Variants in HTR1F observed in about 807,000 individuals in gnomAD.
HTR1F encodes the protein 5-hydroxytryptamine (serotonin) receptor 1F, G protein-coupled.
In HTR1F, 17 loss-of-function variants were observed where a neutral mutation model predicts 24.0. The observed-to-expected ratio is 0.71, with a 90% CI of 0.48 to 1.06. The LOEUF (loss-of-function observed/expected upper bound fraction) is 1.06. HTR1F is among the 50% of genes least tolerant of loss of function. HTR1F has a pLI of 0.00. For synonymous variants in HTR1F, 186 were observed against 156.8 expected (o/e 1.19, Z -1.39); for missense variants, 391 against 427.8 (o/e 0.91, Z 0.76).
chr3:87,894,670 G>T (rs1827532), intron 2 of HTR1F, among the ~76,000 whole-genome samples: 13,187 of 148,360 alleles, frequency 0.089, 1,835 homozygotes, highest in African/African-American at 0.3. Flanking sequence ...TCTGAAGCCA[G>T]AATATGTAGA....
chr3:87,963,328 T>C (rs1164235431), intron 2 of HTR1F, among the ~76,000 whole-genome samples: 1 of 152,108 alleles, frequency 6.6e-6, no homozygotes, highest in Non-Finnish European at 1.5e-5. Flanking sequence ...AGTATTGCAC[T>C]ATCAGTAGAG....
intron 1 of HTR1F, among the ~76,000 whole-genome samples, chr3:87,802,354 T>C (rs1361270983): frequency 1.3e-5 from 2 of 148,248 alleles, no homozygotes; most frequent in South Asian, 2.2e-4. Flanking sequence ...TTTCTTCTTT[T>C]TTTTGAGACA....
At position 87,911,846 on chromosome 3, in the gene HTR1F, G is replaced by T. The variant is rs139612296; in HGVS notation, c.-42-78862G>T. 1.3e-4 allele frequency among the ~76,000 whole-genome samples: 20 copies of T among 152,146 alleles called. No individual in the cohort carries two copies. The East Asian group carries it at 3.5e-3, about 26-fold the overall frequency. On this transcript the variant is annotated intron_variant, in intron 2 of 2. Transcript: ENST00000319595. ...TTGTCTCTCAGTAGATGCAGAGAAG[G>T]CTTTCAATAAAATTCAACTTCCTTT...
chr3:87,896,241 C>T (rs536238892), intron 2 of HTR1F, among the ~76,000 whole-genome samples: 8 of 152,144 alleles, frequency 5.3e-5, no homozygotes, highest in Non-Finnish European at 1.2e-4. Flanking sequence ...AATGCATACA[C>T]CAATAGTCAT....
chr3:87,970,580 C>G (rs918385454), intron 2 of HTR1F, among the ~76,000 whole-genome samples: 7 of 151,964 alleles, frequency 4.6e-5, no homozygotes, highest in African/African-American at 1.7e-4. Flanking sequence ...GGGCTGAGAA[C>G]CAAAAAATTG....
In HTR1F at chr3:87,866,581, C is replaced by T. The variant is rs569689245; in HGVS notation, c.-43+44457C>T. Among the ~76,000 whole-genome samples, 48 of 152,206 alleles carry T rather than the reference C, an allele frequency of 3.2e-4. 1 individual carries two copies. The highest frequency in any genetic ancestry group is 5.9e-4 in the Non-Finnish European group (40 of 67,992). On this transcript the variant is annotated intron_variant, in intron 2 of 2. Coordinates refer to ENST00000319595, the MANE Select transcript of HTR1F (RefSeq NM_001322209.2). Reference sequence around the variant, plus strand: ...CTAGAGGGACACTTCAGAAAACAAGCAGTTTGCTAGTTTGATTACACTTTC... The same window carrying T: ...CTAGAGGGACACTTCAGAAAACAAGTAGTTTGCTAGTTTGATTACACTTTC...
chr3:87,842,131 A>T (rs1704821769), intron 2 of HTR1F, among the ~76,000 whole-genome samples: 1 of 151,612 alleles, frequency 6.6e-6, no homozygotes, highest in Non-Finnish European at 1.5e-5. Flanking sequence ...AACATTAGCA[A>T]TTCAGCAACT....
chr3:87,927,355 T>A (rs1283526338), intron 2 of HTR1F, among the ~76,000 whole-genome samples: 1 of 145,654 alleles, frequency 6.9e-6, no homozygotes, highest in Non-Finnish European at 1.5e-5. Context: ...TTCGTCTTAG[T>A]TTTAAATGTA....
At chr3:87,907,361 C>T (rs928425604) in intron 2 of HTR1F, among the ~76,000 whole-genome samples, 2 of 128,460 alleles carry the variant, frequency 1.6e-5, no homozygotes, top group Admixed American at 7.3e-5. Context: ...TCTTAGCCCA[C>T]TTTTTGAAGG....
At chr3:87,847,490 A>G (rs970628840) in intron 2 of HTR1F, among the ~76,000 whole-genome samples, 2 of 151,826 alleles carry the variant, frequency 1.3e-5, no homozygotes, top group African/African-American at 4.9e-5. Context: ...AAATCAAGGT[A>G]TTTGGGGTAT....
chr3:87,931,895 G>A (rs547042232), intron 2 of HTR1F, among the ~76,000 whole-genome samples: 52 of 151,406 alleles, frequency 3.4e-4, no homozygotes, highest in African/African-American at 1.3e-3. Flanking sequence ...TGATGGGGTT[G>A]TTTTTTTCTT....
intron 2 of HTR1F, among the ~76,000 whole-genome samples, chr3:87,944,569 A>T (rs1704649539): frequency 6.6e-6 from 1 of 152,232 alleles, no homozygotes; most frequent in Admixed American, 6.5e-5. Flanking sequence ...AGTAATTAAG[A>T]TTTAAATCCC....
chr3:87,955,288 G>C (rs1704919917), intron 2 of HTR1F, among the ~76,000 whole-genome samples: 1 of 151,240 alleles, frequency 6.6e-6, no homozygotes, highest in Non-Finnish European at 1.5e-5. Flanking sequence ...TATGTAAGTA[G>C]TATAATACAA....
chr3:87,905,634 T>G (rs1703650168), intron 2 of HTR1F, among the ~76,000 whole-genome samples: 1 of 152,012 alleles, frequency 6.6e-6, no homozygotes, highest in Non-Finnish European at 1.5e-5. Flanking sequence ...TTCTAAAGAA[T>G]GTTATTACAA....
At chr3:87,892,056 A>G (rs1490946182) in intron 2 of HTR1F, among the ~76,000 whole-genome samples, 6 of 152,182 alleles carry the variant, frequency 3.9e-5, no homozygotes, top group African/African-American at 1.4e-4. Context: ...TCAAACTCAC[A>G]TGAGTGTTTT....
chr3:87,811,574 A>G (rs1704161453), intron 1 of HTR1F, among the ~76,000 whole-genome samples: 1 of 152,202 alleles, frequency 6.6e-6, no homozygotes, highest in Non-Finnish European at 1.5e-5. Context: ...AAAGATTCCA[A>G]ATGAAAGTGT....
chr3:87,819,837 C>T (rs1237966274), intron 1 of HTR1F, among the ~76,000 whole-genome samples: 3 of 151,646 alleles, frequency 2.0e-5, no homozygotes, highest in Admixed American at 6.6e-5. Context: ...AGTTTTTCAA[C>T]CAAAAATTTA....
At chr3:87,839,606 T>C (rs1704757197) in intron 2 of HTR1F, among the ~76,000 whole-genome samples, 1 of 152,144 alleles carries the variant, frequency 6.6e-6, no homozygotes, top group South Asian at 2.1e-4. Context: ...AATTTTTTGT[T>C]TGTTTTTTTT....
At chr3:87,950,560 TAA>T (rs11463837) in intron 2 of HTR1F, among the ~76,000 whole-genome samples, 5 of 145,214 alleles carry the variant, frequency 3.4e-5, no homozygotes, top group African/African-American at 1.0e-4. Context: ...AGTGTCAACT[TAA>T]AAAAAAAAAG....
Sources: allele counts gnomAD v4.1 joint callset (sites outside exome capture counted in the v4.1 genomes callset), GRCh38; gene constraint gnomAD v4.1.1; transcripts MANE v1.5; gene names NCBI Gene and HGNC (gene_info 2026-07-23, HGNC 2026-07-21).